AKAP19: variants seen among roughly 807,000 people sequenced by gnomAD.
AKAP19 encodes A-kinase anchoring protein 19.
chr2:190,038,953 TTCTTC>T, the AKAP19 span, among the ~76,000 whole-genome samples: 1 of 147,024 alleles, frequency 6.8e-6, no homozygotes, highest in Non-Finnish European at 1.5e-5. Flanking sequence ...CTTCTTCTTC[TTCTTC>T]TTCTTCTTCT....
At chr2:190,070,938 A>G in the AKAP19 span, among the ~76,000 whole-genome samples, 1 of 152,178 alleles carries the variant, frequency 6.6e-6, no homozygotes, top group East Asian at 1.9e-4. Context: ...GTGGGTAAGC[A>G]TTGAATGTAC....
the AKAP19 span, among the ~76,000 whole-genome samples, chr2:190,185,100 A>G: frequency 6.6e-6 from 1 of 152,242 alleles, no homozygotes. Flanking sequence ...CAGAGTAATG[A>G]TTCTTTTCAG....
the AKAP19 span, among the ~76,000 whole-genome samples, chr2:190,141,815 G>A: frequency 6.6e-6 from 1 of 152,200 alleles, no homozygotes; most frequent in South Asian, 2.1e-4. Context: ...CGGTTTTTGA[G>A]AGAAGCTTTA....
the AKAP19 span, among the ~76,000 whole-genome samples, chr2:190,031,159 T>C: frequency 6.6e-6 from 1 of 152,152 alleles, no homozygotes; most frequent in Non-Finnish European, 1.5e-5. Context: ...GGAGCAGCAT[T>C]AACAAAGGCT....
the AKAP19 span, among the ~76,000 whole-genome samples, chr2:190,107,969 G>A: frequency 2.6e-5 from 4 of 152,120 alleles, no homozygotes; most frequent in Non-Finnish European, 5.9e-5. Flanking sequence ...GTTAACAAAG[G>A]CAGTTCTCTT....
the AKAP19 span, among the ~76,000 whole-genome samples, chr2:189,937,239 G>A: frequency 3.3e-5 from 5 of 152,176 alleles, no homozygotes; most frequent in Non-Finnish European, 5.9e-5. Context: ...TGACTACAAA[G>A]GAACCTGAAG....
chr2:189,953,801 T>G, the AKAP19 span, among the ~76,000 whole-genome samples: 1 of 152,222 alleles, frequency 6.6e-6, no homozygotes, highest in Non-Finnish European at 1.5e-5. Context: ...CAAGTTCTAA[T>G]GGCTAACAGC....
At chr2:190,013,726 G>T in the AKAP19 span, among the ~76,000 whole-genome samples, 1 of 151,892 alleles carries the variant, frequency 6.6e-6, no homozygotes. Flanking sequence ...CACTGTGTTA[G>T]CTAGGATGGT....
the AKAP19 span, among the ~76,000 whole-genome samples, chr2:190,181,634 G>C: frequency 6.6e-6 from 1 of 152,186 alleles, no homozygotes; most frequent in Non-Finnish European, 1.5e-5. Context: ...AATTGGAGTT[G>C]TCTCTCTTGT....
the AKAP19 span, chr2:190,057,045 G>A: frequency 1.8e-6 from 1 of 552,892 alleles, no homozygotes; most frequent in South Asian, 2.4e-5. Context: ...AAAAACTCTG[G>A]AAATCATAAA....
chr2:190,015,445 G>T, the AKAP19 span, among the ~76,000 whole-genome samples: 1 of 152,164 alleles, frequency 6.6e-6, no homozygotes, highest in Non-Finnish European at 1.5e-5. Flanking sequence ...TCCCGAGGCT[G>T]CACAGAGCAG....
At chr2:189,895,452 A>ATT in the AKAP19 span, among the ~76,000 whole-genome samples, 2 of 152,112 alleles carry the variant, frequency 1.3e-5, no homozygotes, top group African/African-American at 2.4e-5. Context: ...CTTTATCTTT[A>ATT]TTGCCTAGCG....
the AKAP19 span, among the ~76,000 whole-genome samples, chr2:190,047,117 G>A: frequency 6.6e-6 from 1 of 152,074 alleles, no homozygotes. Flanking sequence ...GACATACAAG[G>A]ACATACAAGC....
At chr2:189,948,476 A>G in the AKAP19 span, among the ~76,000 whole-genome samples, 23 of 152,302 alleles carry the variant, frequency 1.5e-4, no homozygotes, top group South Asian at 2.1e-3. Flanking sequence ...AACAAAATAA[A>G]AATTACCCAC....
the AKAP19 span, among the ~76,000 whole-genome samples, chr2:190,112,445 A>G: frequency 1.3e-5 from 2 of 152,312 alleles, no homozygotes; most frequent in Admixed American, 6.5e-5. Flanking sequence ...TTCTGTATCA[A>G]AAAGAAGTAC....
At chr2:190,137,345 A>C in the AKAP19 span, among the ~76,000 whole-genome samples, 1 of 152,206 alleles carries the variant, frequency 6.6e-6, no homozygotes, top group Non-Finnish European at 1.5e-5. Flanking sequence ...AAATGAATTA[A>C]ATTGAATGGT....
At chr2:190,108,559 G>C in the AKAP19 span, among the ~76,000 whole-genome samples, 1 of 152,188 alleles carries the variant, frequency 6.6e-6, no homozygotes, top group Non-Finnish European at 1.5e-5. Context: ...GTAGAATATG[G>C]CTATCTCCTG....
the AKAP19 span, among the ~76,000 whole-genome samples, chr2:190,039,283 T>G: frequency 6.6e-5 from 10 of 152,146 alleles, no homozygotes. Context: ...TTTGCCATGT[T>G]GGCCAGGTCG....
chr2:190,142,776 G>T, the AKAP19 span, among the ~76,000 whole-genome samples: 1 of 152,200 alleles, frequency 6.6e-6, no homozygotes, highest in East Asian at 1.9e-4. Flanking sequence ...TGATACCATC[G>T]CAAGAGTGAA....
Sources: gnomAD v4.1 joint callset for allele counts (sites outside exome capture counted in the v4.1 genomes callset) on GRCh38, gnomAD v4.1.1 for gene constraint, MANE v1.5 for transcripts, NCBI Gene and HGNC (gene_info 2026-07-23, HGNC 2026-07-21) for gene names.